The following LDB2 variants were observed in gnomAD, a reference collection of about 807,000 sequenced individuals.
LDB2 encodes LIM domain binding 2.
Under a neutral mutation model 44.3 loss-of-function variants are expected in LDB2, and 12 were observed. The ratio of observed to expected loss-of-function variants is 0.27; its 90% confidence interval spans 0.17 to 0.44. LDB2 has a LOEUF of 0.44. Ranked by LOEUF, LDB2 falls within the 20% of genes least tolerant of loss-of-function variation. The pLI is 1.00. For missense variants in LDB2, 344 were observed against 473.5 expected, an observed-to-expected ratio of 0.73 and a Z score of 2.54; for synonymous variants, 164 against 174.8, an observed-to-expected ratio of 0.94 and a Z score of 0.49.
At chr4:16,528,420 G>A (rs1167328384) in intron 5 of LDB2, among the ~76,000 whole-genome samples, 8 of 152,144 alleles carry the variant, frequency 5.3e-5, no homozygotes, top group Non-Finnish European at 8.8e-5. Context: ...GGCAAAAACC[G>A]CAATCATTTT....
intron 1 of LDB2, among the ~76,000 whole-genome samples, chr4:16,759,862 T>G (rs1424426901): frequency 6.6e-6 from 1 of 152,186 alleles, no homozygotes; most frequent in African/African-American, 2.4e-5. Context: ...CACTAGCTTG[T>G]TGTTAAAAAG....
rs117430250 is a variant in LDB2, at chr4:16,830,353, C to T, written c.132+68001G>A. ...TCTTCCCCCTTCACTCACCCACACC[C>T]TCTCCTTCTGCCTTGTGAAGAAGGT... On this transcript the variant is annotated intron_variant, in intron 1 of 7. Coordinates refer to ENST00000304523, the MANE Select transcript of LDB2 (RefSeq NM_001290.5). Among the ~76,000 whole-genome samples the T allele has an allele frequency of 7.0e-4, 107 of 152,280 alleles. 1 individual carries two copies. The East Asian group carries it at 0.017, about 24-fold the overall frequency.
intron 1 of LDB2, among the ~76,000 whole-genome samples, chr4:16,816,160 A>G (rs566289790): frequency 6.6e-6 from 1 of 152,192 alleles, no homozygotes; most frequent in Non-Finnish European, 1.5e-5. Context: ...GTGAGCGATC[A>G]CGCCATGGCA....
At chr4:16,509,968 A>G (rs1721061686) in intron 6 of LDB2, among the ~76,000 whole-genome samples, 1 of 152,178 alleles carries the variant, frequency 6.6e-6, no homozygotes, top group East Asian at 1.9e-4. Context: ...TACACAGATT[A>G]GCCAGGTGTG....
At chr4:16,509,055 T>C (rs1720689871) in intron 6 of LDB2, among the ~76,000 whole-genome samples, 1 of 152,218 alleles carries the variant, frequency 6.6e-6, no homozygotes, top group Non-Finnish European at 1.5e-5. Context: ...CTGGTGTATC[T>C]TCTCTTTAAA....
intron 2 of LDB2, among the ~76,000 whole-genome samples, chr4:16,659,671 G>GTA (rs58539901): frequency 0.041 from 5,519 of 133,468 alleles, 196 homozygotes; most frequent in Middle Eastern, 0.054. Flanking sequence ...ATCTATGTGT[G>GTA]TATATATATA....
At chr4:16,662,816 T>G (rs917943064) in intron 2 of LDB2, among the ~76,000 whole-genome samples, 2 of 152,124 alleles carry the variant, frequency 1.3e-5, no homozygotes, top group Admixed American at 1.3e-4. Context: ...TGTGGAAATG[T>G]GAGTCCATTA....
At chr4:16,896,306 C>T (rs1024040892) in intron 1 of LDB2, among the ~76,000 whole-genome samples, 4 of 152,068 alleles carry the variant, frequency 2.6e-5, no homozygotes, top group Non-Finnish European at 4.4e-5. Context: ...TTAGCTCTCA[C>T]AAAAAATAAT....
intron 1 of LDB2, among the ~76,000 whole-genome samples, chr4:16,828,230 A>G (rs747303993): frequency 2.6e-5 from 4 of 152,094 alleles, no homozygotes; most frequent in Non-Finnish European, 4.4e-5. Context: ...TTCTAATCAA[A>G]CTTTCAAGGC....
chr4:16,896,497 G>A (rs906912961), intron 1 of LDB2, among the ~76,000 whole-genome samples: 21 of 152,224 alleles, frequency 1.4e-4, no homozygotes, highest in African/African-American at 5.1e-4. Context: ...ATGGGCAGGA[G>A]GGCAGGCAGA....
intron 1 of LDB2, among the ~76,000 whole-genome samples, chr4:16,818,225 A>T (rs1781301169): frequency 6.6e-6 from 1 of 152,130 alleles, no homozygotes; most frequent in Admixed American, 6.5e-5. Context: ...GGGTGGTTAC[A>T]CTTCTCACAA....
At chr4:16,757,310 C>T (rs1766870797) in intron 2 of LDB2, among the ~76,000 whole-genome samples, 2 of 152,304 alleles carry the variant, frequency 1.3e-5, no homozygotes, top group Middle Eastern at 3.4e-3. Context: ...GGCTCAAGAC[C>T]GTCAATCATC....
At chr4:16,750,020 A>G (rs528500838) in intron 2 of LDB2, among the ~76,000 whole-genome samples, 5 of 152,290 alleles carry the variant, frequency 3.3e-5, no homozygotes, top group Admixed American at 3.3e-4. Flanking sequence ...TTTGTCATAA[A>G]AATTCTATGT....
intron 5 of LDB2, among the ~76,000 whole-genome samples, chr4:16,572,272 G>A (rs956953535): frequency 6.6e-6 from 1 of 152,110 alleles, no homozygotes; most frequent in African/African-American, 2.4e-5. Flanking sequence ...TGGGAAGACT[G>A]TTTCCTGGGA....
chr4:16,686,292 A>G (rs1399676640), intron 2 of LDB2, among the ~76,000 whole-genome samples: 1 of 152,236 alleles, frequency 6.6e-6, no homozygotes, highest in South Asian at 2.1e-4. Context: ...AGAATGCACA[A>G]TTAGGAAGAA....
chr4:16,575,696 C>G (rs1233612590), intron 5 of LDB2, among the ~76,000 whole-genome samples: 1 of 152,218 alleles, frequency 6.6e-6, no homozygotes, highest in African/African-American at 2.4e-5. Flanking sequence ...CGATATGCTC[C>G]TGAATGACCA....
At position 16,662,378 on chromosome 4, in the gene LDB2, C is replaced by T. The variant is rs569083485; in HGVS notation, c.236-66503G>A. ...TAGCTAAAAAATAAATATTGGACAT[C>T]AGCTTCTGAAATCCCTGTTCTCCCA... On this transcript the variant is annotated intron_variant, in intron 2 of 7. Coordinates refer to ENST00000304523, the MANE Select transcript of LDB2 (RefSeq NM_001290.5). 4.6e-5 allele frequency among the ~76,000 whole-genome samples: 7 copies of T among 152,300 alleles called. No individual in the cohort carries two copies. In the East Asian group the frequency reaches 1.3e-3, roughly 29 times the overall value.
At chr4:16,739,826 T>C (rs1762874927) in intron 2 of LDB2, among the ~76,000 whole-genome samples, 1 of 148,272 alleles carries the variant, frequency 6.7e-6, no homozygotes, top group Non-Finnish European at 1.5e-5. Flanking sequence ...TTAAAAATTA[T>C]AATCGCAATA....
At chr4:16,704,809 C>A (rs546437747) in intron 2 of LDB2, among the ~76,000 whole-genome samples, 1 of 152,300 alleles carries the variant, frequency 6.6e-6, no homozygotes, top group South Asian at 2.1e-4. Flanking sequence ...CACGTGGAAG[C>A]CACAGACTGC....
Sources: allele counts gnomAD v4.1 joint callset (sites outside exome capture counted in the v4.1 genomes callset), GRCh38; gene constraint gnomAD v4.1.1; transcripts MANE v1.5; gene names NCBI Gene and HGNC (gene_info 2026-07-23, HGNC 2026-07-21).